TSPAN18: variants seen among roughly 807,000 people sequenced by gnomAD.
The protein encoded by TSPAN18 is tetraspanin 18, also known as tetraspanin-18.
Under a neutral mutation model 27.3 loss-of-function variants are expected in TSPAN18, and 14 were observed. That is an observed-to-expected ratio of 0.51 (90% CI 0.34 to 0.80). TSPAN18 has a LOEUF of 0.80. TSPAN18 is among the 30% of genes least tolerant of loss of function. TSPAN18 has a pLI of 0.01. For missense variants in TSPAN18, 268 were observed against 323.9 expected (o/e 0.83, Z 1.32); for synonymous variants, 143 against 136.5 (o/e 1.05, Z -0.33).
chr11:44,820,740 G>A (rs569209905), intron 2 of TSPAN18, among the ~76,000 whole-genome samples: 4 of 152,100 alleles, frequency 2.6e-5, no homozygotes, highest in African/African-American at 9.6e-5. Flanking sequence ...TGGCTCATGG[G>A]GGTGGATCCT....
intron 3 of TSPAN18, among the ~76,000 whole-genome samples, chr11:44,876,620 C>T (rs140735598): frequency 1.7e-3 from 253 of 152,274 alleles, no homozygotes; most frequent in African/African-American, 5.3e-3. Flanking sequence ...ATCAAAGACA[C>T]GGTAACATCA....
chr11:44,743,664 T>C (rs1855000398), intron 1 of TSPAN18, among the ~76,000 whole-genome samples: 1 of 152,240 alleles, frequency 6.6e-6, no homozygotes, highest in Non-Finnish European at 1.5e-5. Context: ...CCGCCACCCC[T>C]GTTCTGCCAC....
intron 1 of TSPAN18, among the ~76,000 whole-genome samples, chr11:44,746,116 T>G (rs1855069269): frequency 6.6e-6 from 1 of 152,212 alleles, no homozygotes; most frequent in African/African-American, 2.4e-5. Flanking sequence ...CTGGTTTCCT[T>G]GACACATGGC....
chr11:44,745,877 A>G (rs1326220284), intron 1 of TSPAN18, among the ~76,000 whole-genome samples: 3 of 152,170 alleles, frequency 2.0e-5, no homozygotes, highest in Non-Finnish European at 4.4e-5. Flanking sequence ...AATACAAAAA[A>G]TTAGCCGGGC....
chr11:44,843,206 C>T (rs929867749), intron 2 of TSPAN18, among the ~76,000 whole-genome samples: 13 of 152,170 alleles, frequency 8.5e-5, no homozygotes, highest in African/African-American at 3.1e-4. Flanking sequence ...TTTTCCTAAG[C>T]ATCGGCTGGC....
At chr11:44,814,959 A>G (rs1231131478) in intron 2 of TSPAN18, among the ~76,000 whole-genome samples, 2 of 152,200 alleles carry the variant, frequency 1.3e-5, no homozygotes, top group African/African-American at 4.8e-5. Flanking sequence ...TATTGTGCAA[A>G]GAAGACCTGA....
intron 2 of TSPAN18, among the ~76,000 whole-genome samples, chr11:44,825,960 G>A (rs1469817292): frequency 1.3e-5 from 2 of 152,170 alleles, no homozygotes; most frequent in Non-Finnish European, 1.5e-5. Flanking sequence ...GCCTCAGGCT[G>A]GGAGCTTCTC....
chr11:44,904,137 C>T (rs1859369764), intron 3 of TSPAN18, among the ~76,000 whole-genome samples: 1 of 152,128 alleles, frequency 6.6e-6, no homozygotes, highest in African/African-American at 2.4e-5. Context: ...GGGTCAGGTT[C>T]ACCCCATGAT....
intron 5 of TSPAN18, among the ~76,000 whole-genome samples, chr11:44,910,517 A>G (rs1859669442): frequency 6.6e-6 from 1 of 152,246 alleles, no homozygotes; most frequent in Non-Finnish European, 1.5e-5. Flanking sequence ...TCTCCAAGGC[A>G]TGGTCAGCTG....
intron 4 of TSPAN18, 105 bp from the exon 5 acceptor site, chr11:44,909,600 T>C: frequency 1.7e-6 from 2 of 1,202,486 alleles, no homozygotes; most frequent in Non-Finnish European, 2.3e-6. Context: ...ACCTAGTGCT[T>C]GATGCCTCTG....
intron 2 of TSPAN18, among the ~76,000 whole-genome samples, chr11:44,832,631 C>T (rs867928004): frequency 3.9e-5 from 6 of 152,188 alleles, no homozygotes; most frequent in Non-Finnish European, 5.9e-5. Context: ...TATTTCTCTG[C>T]GGCACCCTCA....
At chr11:44,880,032 G>C (rs948718737) in intron 3 of TSPAN18, among the ~76,000 whole-genome samples, 2 of 152,234 alleles carry the variant, frequency 1.3e-5, no homozygotes, top group South Asian at 2.1e-4. Flanking sequence ...GCGACGCTGG[G>C]GGGAGGCTGG....
intron 1 of TSPAN18, among the ~76,000 whole-genome samples, chr11:44,746,178 G>A (rs1308912388): frequency 2.6e-5 from 4 of 152,214 alleles, no homozygotes; most frequent in Non-Finnish European, 5.9e-5. Context: ...GCCCCCCGTG[G>A]GTGGGGCACG....
chr11:44,915,475 T>G (rs556126287), intron 5 of TSPAN18, among the ~76,000 whole-genome samples: 1 of 151,994 alleles, frequency 6.6e-6, no homozygotes, highest in Non-Finnish European at 1.5e-5. Context: ...CTCATCATAC[T>G]CTGCACTGGT....
chr11:44,795,865 G>A (rs972521176), intron 2 of TSPAN18, among the ~76,000 whole-genome samples: 8 of 152,028 alleles, frequency 5.3e-5, no homozygotes, highest in African/African-American at 1.4e-4. Context: ...GAGGCTTTGG[G>A]GTGATCTGGG....
intron 2 of TSPAN18, among the ~76,000 whole-genome samples, chr11:44,782,676 A>G (rs556845049): frequency 1.3e-5 from 2 of 152,154 alleles, no homozygotes; most frequent in South Asian, 2.1e-4. Context: ...AATGCTTGCT[A>G]TGGTCAGCTT....
chr11:44,796,411 C>T (rs1325549462), intron 2 of TSPAN18, among the ~76,000 whole-genome samples: 1 of 152,064 alleles, frequency 6.6e-6, no homozygotes, highest in Non-Finnish European at 1.5e-5. Context: ...TCCTCCATTG[C>T]CATGGAAGAA....
At chr11:44,852,969 G>A (rs1857641299) in intron 2 of TSPAN18, among the ~76,000 whole-genome samples, 1 of 152,192 alleles carries the variant, frequency 6.6e-6, no homozygotes, top group Non-Finnish European at 1.5e-5. Context: ...GTCCATTCAT[G>A]TGATCAATTG....
intron 3 of TSPAN18, among the ~76,000 whole-genome samples, chr11:44,898,948 G>A (rs1366948240): frequency 1.3e-5 from 2 of 152,194 alleles, no homozygotes; most frequent in East Asian, 1.9e-4. Context: ...GCATCTGAGG[G>A]TCATGTTGTA....
Sources: gnomAD v4.1 joint callset for allele counts (sites outside exome capture counted in the v4.1 genomes callset) on GRCh38, gnomAD v4.1.1 for gene constraint, MANE v1.5 for transcripts, NCBI Gene and HGNC (gene_info 2026-07-23, HGNC 2026-07-21) for gene names.